PRELID2: variants seen among roughly 807,000 people sequenced by gnomAD.
PRELID2 encodes PRELI domain-containing protein 2.
In PRELID2, 25 loss-of-function variants were observed where a neutral mutation model predicts 28.4. The observed-to-expected ratio is 0.88, with a 90% confidence interval of 0.64 to 1.23. PRELID2 has a LOEUF of 1.23. PRELID2 is among the 50% of genes most tolerant of loss of function. The probability of loss-of-function intolerance (pLI) is 0.00; values close to 1 mark genes in which losing one functional copy is unlikely to be tolerated. For missense variants in PRELID2, 201 were observed against 214.4 expected, an observed-to-expected ratio of 0.94 and a Z score of 0.39; for synonymous variants, 76 against 71.6, an observed-to-expected ratio of 1.06 and a Z score of -0.31.
At chr5:145,596,092 C>A (rs1753301404) in intron 1 of PRELID2, among the ~76,000 whole-genome samples, 1 of 101,084 alleles carries the variant, frequency 9.9e-6, no homozygotes, top group South Asian at 2.9e-4. Flanking sequence ...AGAGTGAGAG[C>A]CTGTCTCAAA....
chr5:145,283,391 A>G, the PRELID2 span, among the ~76,000 whole-genome samples: 5 of 152,350 alleles, frequency 3.3e-5, no homozygotes, highest in South Asian at 1.0e-3. Flanking sequence ...AAGAAACATC[A>G]GGGAACTTGT....
the PRELID2 span, among the ~76,000 whole-genome samples, chr5:145,326,334 C>T: frequency 4.6e-5 from 7 of 151,978 alleles, no homozygotes; most frequent in Non-Finnish European, 7.4e-5. Context: ...CAGTTCTCCC[C>T]CAAATTGATC....
the PRELID2 span, among the ~76,000 whole-genome samples, chr5:145,281,763 C>T: frequency 5.3e-5 from 8 of 152,082 alleles, no homozygotes; most frequent in South Asian, 2.1e-4. Flanking sequence ...AGAAAGAGTA[C>T]GATCAATACA....
chr5:145,519,982 C>G (rs1752550119), intron 1 of PRELID2, among the ~76,000 whole-genome samples: 1 of 152,096 alleles, frequency 6.6e-6, no homozygotes, highest in Non-Finnish European at 1.5e-5. Flanking sequence ...ATGAGCTACC[C>G]TCATTTAGAA....
At chr5:145,782,182 C>G (rs1422889686) in intron 5 of PRELID2, among the ~76,000 whole-genome samples, 1 of 152,114 alleles carries the variant, frequency 6.6e-6, no homozygotes, top group Non-Finnish European at 1.5e-5. Context: ...ATATGTACAC[C>G]CAGTGCTGAT....
At chr5:145,412,334 A>G in the PRELID2 span, among the ~76,000 whole-genome samples, 1 of 152,266 alleles carries the variant, frequency 6.6e-6, no homozygotes, top group South Asian at 2.1e-4. Context: ...CATTTATCTC[A>G]AGTTCAAAGT....
At chr5:145,415,650 T>A in the PRELID2 span, among the ~76,000 whole-genome samples, 5 of 151,010 alleles carry the variant, frequency 3.3e-5, no homozygotes, top group African/African-American at 9.7e-5. Context: ...ATGGTGTATA[T>A]GTGCCACATT....
At chr5:145,258,117 G>A in the PRELID2 span, among the ~76,000 whole-genome samples, 2 of 152,142 alleles carry the variant, frequency 1.3e-5, no homozygotes, top group African/African-American at 4.8e-5. Context: ...ATGCTGCTAT[G>A]CTTTCTGTAC....
downstream of PRELID2, among the ~76,000 whole-genome samples, chr5:145,755,215 G>A (rs1037372631): frequency 4.6e-5 from 7 of 152,308 alleles, no homozygotes; most frequent in South Asian, 2.1e-4. Flanking sequence ...CGTGGCAACC[G>A]TGTTTTGGGA....
intron 1 of PRELID2, among the ~76,000 whole-genome samples, chr5:145,825,343 T>C (rs1290521438): frequency 6.6e-6 from 1 of 150,740 alleles, no homozygotes; most frequent in Non-Finnish European, 1.5e-5. Context: ...TTAGATACTC[T>C]GCTCCTCAGG....
At chr5:145,638,976 T>G (rs570538481) in intron 1 of PRELID2, among the ~76,000 whole-genome samples, 4 of 152,352 alleles carry the variant, frequency 2.6e-5, no homozygotes, top group African/African-American at 9.6e-5. Context: ...AAATAGTGTT[T>G]TAGATCTTAA....
At chr5:145,817,190 C>CA (rs1246315266) in intron 4 of PRELID2, among the ~76,000 whole-genome samples, 564 of 42,604 alleles carry the variant, frequency 0.013, 26 homozygotes, top group African/African-American at 0.031. Context: ...GACTGCATTT[C>CA]AAAAAAAAAT....
chr5:145,767,610 TTC>T (rs1055095283), intron 5 of PRELID2, among the ~76,000 whole-genome samples: 34 of 152,036 alleles, frequency 2.2e-4, no homozygotes, highest in African/African-American at 8.0e-4. Flanking sequence ...CCGCACAGAG[TTC>T]TGCTCCTACT....
chr5:145,254,528 A>C, the PRELID2 span, among the ~76,000 whole-genome samples: 9 of 152,196 alleles, frequency 5.9e-5, no homozygotes, highest in Admixed American at 5.2e-4. Flanking sequence ...GTGACTCTGA[A>C]GGCACAGGCT....
chr5:145,802,457 A>G (rs556650654), intron 4 of PRELID2, among the ~76,000 whole-genome samples: 3 of 152,328 alleles, frequency 2.0e-5, no homozygotes, highest in Admixed American at 6.5e-5. Flanking sequence ...TCAATAATGC[A>G]CTTAGGAAGG....
the PRELID2 span, among the ~76,000 whole-genome samples, chr5:145,448,428 T>C: frequency 1.3e-5 from 2 of 152,162 alleles, no homozygotes; most frequent in East Asian, 3.9e-4. Context: ...AGGTTGCCTG[T>C]TCACTCTGAT....
the PRELID2 span, among the ~76,000 whole-genome samples, chr5:145,412,487 A>G: frequency 4.6e-5 from 7 of 152,174 alleles, no homozygotes; most frequent in Non-Finnish European, 1.0e-4. Context: ...TCATATCACT[A>G]TAGCATTTTG....
At chr5:145,558,117 T>C (rs1475582256) in intron 1 of PRELID2, among the ~76,000 whole-genome samples, 2 of 152,220 alleles carry the variant, frequency 1.3e-5, no homozygotes, top group African/African-American at 2.4e-5. Flanking sequence ...CTGACCTAGA[T>C]GTGTGGCTGT....
At chr5:145,459,237 G>A in the PRELID2 span, among the ~76,000 whole-genome samples, 1 of 152,106 alleles carries the variant, frequency 6.6e-6, no homozygotes, top group Admixed American at 6.6e-5. Flanking sequence ...TTGTGTCCTG[G>A]AGTCACTACA....
Sources: allele counts gnomAD v4.1 joint callset (sites outside exome capture counted in the v4.1 genomes callset), GRCh38; gene constraint gnomAD v4.1.1; transcripts MANE v1.5; gene names NCBI Gene and HGNC (gene_info 2026-07-23, HGNC 2026-07-21).